Variants in CTDSPL2 observed in about 807,000 individuals in gnomAD.
CTDSPL2 encodes CTD small phosphatase-like protein 2.
CTDSPL2 carries 5 observed loss-of-function variants against 60.0 expected under a neutral mutation model. The ratio of observed to expected loss-of-function variants is 0.08; its 90% confidence interval spans 0.04 to 0.18. The LOEUF (loss-of-function observed/expected upper bound fraction) is 0.18, where lower values mean the gene tolerates loss of function less well. CTDSPL2 is among the 10% of genes least tolerant of loss of function. The pLI, the probability that CTDSPL2 is intolerant of heterozygous loss-of-function variation, is 1.00. For synonymous variants in CTDSPL2, 186 were observed against 189.3 expected (o/e 0.98, Z 0.14); for missense variants, 370 against 548.8 (o/e 0.67, Z 3.26).
intron 2 of CTDSPL2, among the ~76,000 whole-genome samples, chr15:44,462,777 G>C (rs544542977): frequency 7.0e-6 from 1 of 142,952 alleles, no homozygotes; most frequent in Admixed American, 7.5e-5. Context: ...CACAATCTCA[G>C]CTCACTGCAA....
intron 1 of CTDSPL2, among the ~76,000 whole-genome samples, chr15:44,429,897 G>A (rs926897067): frequency 1.3e-5 from 2 of 152,158 alleles, no homozygotes; most frequent in African/African-American, 2.4e-5. Flanking sequence ...TATAAATGAT[G>A]TAGTCCTTAA....
chr15:44,474,933 A>T (rs2080885710), intron 2 of CTDSPL2, among the ~76,000 whole-genome samples: 2 of 152,162 alleles, frequency 1.3e-5, no homozygotes, highest in South Asian at 4.1e-4. Flanking sequence ...GCTCTTGCAT[A>T]GCTAGCACAA....
intron 1 of CTDSPL2, among the ~76,000 whole-genome samples, chr15:44,450,589 A>ATTTTTTTTTTTTTTTTTTTTTTTTTTTTT (rs36016079): frequency 1.1e-5 from 1 of 88,686 alleles, no homozygotes; most frequent in Non-Finnish European, 2.1e-5. Flanking sequence ...TATATTCTTA[A>ATTTTTTTTTTTTTTTTTTTTTTTTTTTTT]TTTTTTTTTT....
intron 1 of CTDSPL2, among the ~76,000 whole-genome samples, chr15:44,450,767 TG>T (rs1397186191): frequency 6.6e-6 from 1 of 151,792 alleles, no homozygotes; most frequent in Non-Finnish European, 1.5e-5. Flanking sequence ...GGCTAATTTT[TG>T]TATTTTTTGT....
At chr15:44,515,968 A>T (rs372085129) in intron 10 of CTDSPL2, among the ~76,000 whole-genome samples, 167 of 124,640 alleles carry the variant, frequency 1.3e-3, no homozygotes, top group African/African-American at 1.4e-3. Context: ...CTCTTTCTCT[A>T]TTTCTTTCTT....
chr15:44,486,694 A>G lies in CTDSPL2; in HGVS notation c.469A>G (p.Lys157Glu). 1 of 1,583,802 alleles carries G rather than the reference A, an allele frequency of 6.3e-7. No individual in the cohort carries two copies. Among genetic ancestry groups the G allele is most frequent in the Non-Finnish European group, 8.6e-7 (1 of 1,168,740 alleles). ...PVFNFFSPANKNGTSGSDSPG... is the reference protein window; with the variant it reads ...PVFNFFSPANENGTSGSDSPG... Reference sequence around the variant, plus strand: ...CTTCAACTTTTTTTCACCAGCAAATAAAAATGGTAAGTATAAACTGTTAAC... The same window carrying G: ...CTTCAACTTTTTTTCACCAGCAAATGAAAATGGTAAGTATAAACTGTTAAC... Residue 157 changes from lysine to glutamate, a missense_variant, in exon 4 of 13, where the codon AAA becomes GAA. By Grantham distance (56) the Lys-to-Glu change is moderately conservative (BLOSUM62 1). Transcript: ENST00000260327.
At chr15:44,431,806 C>T (rs1265281088) in intron 1 of CTDSPL2, among the ~76,000 whole-genome samples, 1 of 150,940 alleles carries the variant, frequency 6.6e-6, no homozygotes, top group African/African-American at 2.4e-5. Flanking sequence ...GGAACCTCTG[C>T]CTCCTGGGTC....
chr15:44,459,387 C>G (rs915024341), intron 2 of CTDSPL2, among the ~76,000 whole-genome samples, 187 bp downstream of exon 2: 1 of 151,886 alleles, frequency 6.6e-6, no homozygotes, highest in East Asian at 1.9e-4. Flanking sequence ...ATTAGCCGGG[C>G]GAGGTGGCGG....
intron 6 of CTDSPL2, 54 bp downstream of exon 6, chr15:44,496,512 C>A: frequency 1.5e-6 from 2 of 1,322,858 alleles, no homozygotes; most frequent in South Asian, 2.4e-5. Flanking sequence ...GATGAGAGTA[C>A]GTTATATATG....
At chr15:44,427,816 T>C in intron 1 of CTDSPL2, 44 bp downstream of exon 1, 1 of 397,796 alleles carries the variant, frequency 2.5e-6, no homozygotes, top group East Asian at 3.6e-5. Context: ...CCAATCTCAG[T>C]CCTCCTCCTC....
intron 8 of CTDSPL2, among the ~76,000 whole-genome samples, chr15:44,510,904 C>G (rs1348766136): frequency 6.6e-6 from 1 of 152,166 alleles, no homozygotes; most frequent in Non-Finnish European, 1.5e-5. Flanking sequence ...CCAGACAGTA[C>G]GTAGTGCTTC....
intron 4 of CTDSPL2, among the ~76,000 whole-genome samples, chr15:44,489,979 A>G (rs573793588): frequency 6.6e-6 from 1 of 152,312 alleles, no homozygotes; most frequent in Non-Finnish European, 1.5e-5. Context: ...GGGTATCAGA[A>G]AAACCTTTTA....
At chr15:44,510,010 G>A (rs1418740976) in intron 8 of CTDSPL2, among the ~76,000 whole-genome samples, 5 of 148,770 alleles carry the variant, frequency 3.4e-5, no homozygotes, top group African/African-American at 4.9e-5. Flanking sequence ...TTTTTGAGAC[G>A]GAGTCTCACT....
chr15:44,440,291 G>C (rs1247443058), intron 1 of CTDSPL2, among the ~76,000 whole-genome samples: 2 of 151,390 alleles, frequency 1.3e-5, no homozygotes, highest in African/African-American at 4.9e-5. Flanking sequence ...TGCCTCCCAG[G>C]TTTAAGCGAT....
chr15:44,489,689 A>G (rs2081184391), intron 4 of CTDSPL2, among the ~76,000 whole-genome samples: 1 of 152,244 alleles, frequency 6.6e-6, no homozygotes, highest in African/African-American at 2.4e-5. Flanking sequence ...CATTGACATC[A>G]TCTGTAATAA....
At chr15:44,519,866 C>T (rs1296714153) in intron 11 of CTDSPL2, 1 of 152,782 alleles carries the variant, frequency 6.5e-6, no homozygotes, top group Non-Finnish European at 1.5e-5. Context: ...CCTCCGCCTC[C>T]TGGGTTCAAG....
chr15:44,473,408 G>T (rs909907814), intron 2 of CTDSPL2, among the ~76,000 whole-genome samples: 7 of 152,012 alleles, frequency 4.6e-5, no homozygotes, highest in Non-Finnish European at 1.0e-4. Flanking sequence ...CCATTCTCCT[G>T]CCTCAGCCTC....
chr15:44,515,918 G>A (rs572810805), intron 10 of CTDSPL2, among the ~76,000 whole-genome samples: 1 of 150,670 alleles, frequency 6.6e-6, no homozygotes, highest in Non-Finnish European at 1.5e-5. Flanking sequence ...TGGTTCGTTC[G>A]TTCTTTCTCT....
chr15:44,517,741 G>A (rs563931760), intron 10 of CTDSPL2, among the ~76,000 whole-genome samples: 7 of 152,240 alleles, frequency 4.6e-5, no homozygotes, highest in African/African-American at 7.2e-5. Flanking sequence ...TGCCACTATC[G>A]GTGAAGAGGC....
Sources: allele counts gnomAD v4.1 joint callset (sites outside exome capture counted in the v4.1 genomes callset), GRCh38; gene constraint gnomAD v4.1.1; transcripts MANE v1.5; gene names NCBI Gene and HGNC (gene_info 2026-07-23, HGNC 2026-07-21).